Variants in RPS20 observed in about 807,000 individuals in gnomAD.
The protein encoded by RPS20 is small ribosomal subunit protein uS10.
Under a neutral mutation model 15.3 loss-of-function variants are expected in RPS20, and 3 were observed. The ratio of observed to expected loss-of-function variants is 0.20; its 90% confidence interval spans 0.09 to 0.51. RPS20 has a LOEUF of 0.51. RPS20 is among the 20% of genes least tolerant of loss of function. RPS20 has a pLI of 0.96. For synonymous variants in RPS20, 62 were observed against 47.8 expected, an observed-to-expected ratio of 1.30 and a Z score of -1.23; for missense variants, 67 against 145.9, an observed-to-expected ratio of 0.46 and a Z score of 2.79.
Position 56,073,206 on chromosome 8 carries a change from T to A in RPS20, c.244A>T (p.Met82Leu), listed in dbSNP as rs2129213118. The A allele has an allele frequency of 1.2e-6, 2 of 1,603,730 alleles. No homozygotes were observed. Among genetic ancestry groups the A allele is most frequent in the Admixed American group, 3.3e-5 (2 of 60,018 alleles). The change falls in exon 4 of 4, where the codon ATG becomes TTG. Residue 82 changes from methionine (M) to leucine (L), a missense_variant. By Grantham distance (15) the Met-to-Leu change is conservative. Transcript: ENST00000009589. ...TCAATGAGTCGCTTGTGAATTCTCA[T>A]CTGGAAACGATCCCACGTCTTAGAA... is the stretch of plus-strand genomic sequence containing the variant. ...EGSKTWDRFQ[M>L]RIHKRLIDLH...
exon 6 of RPS20, chr8:56,067,727 T>A (rs1046373920): frequency 6.6e-6 from 1 of 150,706 alleles, no homozygotes; most frequent in Non-Finnish European, 1.5e-5. Context: ...TGATATGGTA[T>A]GGGTCAAACT....
downstream of RPS20, chr8:56,069,603 T>G: frequency 1.2e-6 from 1 of 864,514 alleles, no homozygotes; most frequent in South Asian, 1.6e-5. Flanking sequence ...CCAGCCATAG[T>G]TCCTCTTACT....
At position 56,073,526 on chromosome 8, in the gene RPS20, T is replaced by G. The variant is rs1585723137; in HGVS notation, c.177+169A>C. ...CACAGCAACAATAATTCAACAATCA[T>G]ATCTAAACATTAGCTACTTACTAGG... is the stretch of plus-strand genomic sequence containing the variant. On this transcript the variant is annotated intron_variant, in intron 3 of 3. Coordinates refer to ENST00000009589, the MANE Select transcript of RPS20 (RefSeq NM_001023.4). 6.0e-6 allele frequency: 4 copies of G among 668,818 alleles called. No homozygotes were observed. In the South Asian group the frequency reaches 7.0e-5, roughly 12 times the overall value. The allele number at this position is 668,818 out of a possible 1,614,324, so 41.4% of individuals were successfully genotyped here.
At chr8:56,074,230 C>T in intron 1 of RPS20, 71 bp from the exon 2 acceptor site, 2 of 1,538,020 alleles carry the variant, frequency 1.3e-6, no homozygotes, top group Non-Finnish European at 8.9e-7. Flanking sequence ...AGGCAGCTTC[C>T]GGAAGCTTCC....
At chr8:56,073,449 A>G in intron 3 of RPS20, 177 bp from the exon 4 acceptor site, 1 of 639,358 alleles carries the variant, frequency 1.6e-6, no homozygotes, top group Non-Finnish European at 2.7e-6. Context: ...TCACTGTGCT[A>G]GGACACCACC....
chr8:56,071,887 C>A (rs1405702499), downstream of RPS20, among the ~76,000 whole-genome samples: 1 of 152,196 alleles, frequency 6.6e-6, no homozygotes, highest in Admixed American at 6.5e-5. Flanking sequence ...CATTTTTCCA[C>A]AATAAATCTA....
chr8:56,070,696 TCCAACCTGGGTGA>T (rs899354437), downstream of RPS20, among the ~76,000 whole-genome samples: 2 of 146,236 alleles, frequency 1.4e-5, no homozygotes, highest in African/African-American at 5.1e-5. Context: ...ACGACTGCAC[TCCAACCTGGGTGA>T]CACAGCGAGA....
rs115117932 is a variant in RPS20, at chr8:56,073,560, T to A, written c.177+135A>T. 1.8e-3 allele frequency: 1,369 copies of A among 759,152 alleles called. 12 individuals carry two copies. In the African/African-American group the frequency reaches 0.022, roughly 12 times the overall value. 47.0% of individuals were successfully genotyped at this position (759,152 alleles called of 1,614,324 possible). A position where few individuals can be genotyped will look rare whatever the true frequency, so the allele number is the denominator to read the frequency against. ...ATTAGCTACTTACTAGGAACCGCAA[T>A]CTACCACCGATTTCTATGTGCGTTT... is the stretch of plus-strand genomic sequence containing the variant. On this transcript the variant is annotated intron_variant, in intron 3 of 3. Coordinates refer to ENST00000009589, the MANE Select transcript of RPS20 (RefSeq NM_001023.4).
downstream of RPS20, chr8:56,069,754 C>G (rs1809702007): frequency 6.4e-7 from 1 of 1,551,544 alleles, no homozygotes; most frequent in Middle Eastern, 1.7e-4. Context: ...AGGACATGTC[C>G]CCGGGGATTC....
At chr8:56,067,490 C>T (rs1280595603) in exon 6 of RPS20, 1 of 152,132 alleles carries the variant, frequency 6.6e-6, no homozygotes, top group African/African-American at 2.4e-5. Context: ...TGGAGACCAT[C>T]CTCATTAACA....
chr8:56,068,788 ATTC>A, downstream of RPS20, among the ~76,000 whole-genome samples: 1 of 63,854 alleles, frequency 1.6e-5, no homozygotes, highest in African/African-American at 5.3e-5. Flanking sequence ...AAATTTCCAT[ATTC>A]TCTTGGTGAA....
rs545705195 is a variant in RPS20 at position 56,067,557 on chromosome 8, G to C, written c.*1009C>G. On this transcript the variant is annotated 3_prime_UTR_variant, in exon 6 of 6. Transcript: ENST00000519807. ...AAAAATTAGCCGGGTTTAGTGGTGG[G>C]CGCCTGTAGTCCCAGCTACTCAGGA... is the stretch of plus-strand genomic sequence containing the variant. 4 of 152,024 alleles carry C rather than the reference G, an allele frequency of 2.6e-5. No homozygotes were observed. In the South Asian group the frequency reaches 8.3e-4, roughly 32 times the overall value. The allele number at this position is 152,024 out of a possible 1,614,324, so 9.4% of individuals were successfully genotyped here. A position where few individuals can be genotyped will look rare whatever the true frequency, so the allele number is the denominator to read the frequency against.
chr8:56,069,402 G>A (rs980676754), downstream of RPS20, among the ~76,000 whole-genome samples: 1 of 152,044 alleles, frequency 6.6e-6, no homozygotes, highest in African/African-American at 2.4e-5. Flanking sequence ...AGGTTCAAGA[G>A]ATTCTCCTGC....
chr8:56,072,940 AACAGGATAGACC>A, downstream of RPS20: 1 of 1,396,882 alleles, frequency 7.2e-7, no homozygotes, highest in Non-Finnish European at 9.3e-7. Context: ...CGACAACGAA[AACAGGATAGACC>A]ACTCTAAGAT....
At chr8:56,068,309 G>A (rs1809661947), downstream of RPS20, 1 of 152,122 alleles carries the variant, frequency 6.6e-6, no homozygotes, top group Non-Finnish European at 1.5e-5. Flanking sequence ...TTGCTGAGGT[G>A]TGTGTATCAC....
At chr8:56,072,115 T>C (rs1264665349), downstream of RPS20, among the ~76,000 whole-genome samples, 2 of 151,888 alleles carry the variant, frequency 1.3e-5, no homozygotes, top group Non-Finnish European at 2.9e-5. Context: ...GCCACATGCT[T>C]GTTAAGTCCC....
chr8:56,074,498 C>G lies in RPS20; in HGVS notation c.-115G>C. The G allele has an allele frequency of 8.3e-7, 1 of 1,203,584 alleles. No individual in the cohort carries two copies. The allele number at this position is 1,203,584 out of a possible 1,614,324, so 74.6% of individuals were successfully genotyped here. ...CCTCAGCCCTTACGACCGCGTCTTC[C>G]TCAAAAAGAAAGGGGTGGGACTTGA... On this transcript the variant is annotated 5_prime_UTR_variant, in exon 1 of 4. Coordinates refer to ENST00000009589, the MANE Select transcript of RPS20 (RefSeq NM_001023.4).
chr8:56,069,232 GACTT>G (rs746559592), downstream of RPS20, among the ~76,000 whole-genome samples: 4 of 150,730 alleles, frequency 2.7e-5, no homozygotes, highest in East Asian at 3.9e-4. Context: ...TTGCGCCTCT[GACTT>G]ACTTTTTCCT....
At chr8:56,073,296 C>G (rs928171604) in intron 3 of RPS20, 24 bp from the exon 4 acceptor site, 18 of 1,463,386 alleles carry the variant, frequency 1.2e-5, no homozygotes, top group Non-Finnish European at 1.6e-5. Context: ...CAAAGGAAAC[C>G]AAGTGTTTAT....
Sources: allele counts gnomAD v4.1 joint callset (sites outside exome capture counted in the v4.1 genomes callset), GRCh38; gene constraint gnomAD v4.1.1; transcripts MANE v1.5; gene names NCBI Gene and HGNC (gene_info 2026-07-23, HGNC 2026-07-21).